Variants in SLC27A2 observed in about 807,000 individuals in gnomAD.
SLC27A2 encodes solute carrier family 27 member 2.
SLC27A2 carries 54 observed loss-of-function variants against 60.0 expected under a neutral mutation model. The ratio of observed to expected loss-of-function variants is 0.90; its 90% CI spans 0.72 to 1.13. The LOEUF (loss-of-function observed/expected upper bound fraction) is 1.13, where lower values mean the gene tolerates loss of function less well. Among genes scored for constraint, SLC27A2 ranks in the 50% most tolerant of loss-of-function variants. The pLI is 0.00. For synonymous variants in SLC27A2, 297 were observed against 297.6 expected (o/e 1.00, Z 0.02); for missense variants, 739 against 777.6 (o/e 0.95, Z 0.59).
At chr15:50,228,823 G>A (rs1044652548) in intron 7 of SLC27A2, 122 bp from the exon 8 acceptor site, 15 of 696,786 alleles carry the variant, frequency 2.2e-5, no homozygotes, top group Admixed American at 9.2e-5. Flanking sequence ...AGTTTGAGGG[G>A]CCAAGATGAG....
chr15:50,196,079 T>A (rs28744677), intron 1 of SLC27A2, among the ~76,000 whole-genome samples: 1,957 of 5,914 alleles, frequency 0.33, 434 homozygotes, highest in South Asian at 0.49. Context: ...AAAAAAAAAA[T>A]ATATATATAT....
chr15:50,194,526 T>C (rs1040329815), intron 1 of SLC27A2, among the ~76,000 whole-genome samples: 11 of 152,156 alleles, frequency 7.2e-5, no homozygotes, highest in African/African-American at 2.7e-4. Flanking sequence ...GAGTGGATTC[T>C]ATCACAAGGA....
intron 4 of SLC27A2, among the ~76,000 whole-genome samples, chr15:50,218,826 G>A (rs1159351942): frequency 2.0e-5 from 3 of 152,120 alleles, no homozygotes; most frequent in African/African-American, 7.2e-5. Flanking sequence ...GAGAGACAAA[G>A]GGACCCCCCA....
At chr15:50,216,819 T>G (rs1595689226) in intron 4 of SLC27A2, among the ~76,000 whole-genome samples, 1 of 132,168 alleles carries the variant, frequency 7.6e-6, no homozygotes, top group East Asian at 2.0e-4. Flanking sequence ...ATATATATTT[T>G]ATGGATATAT....
chr15:50,185,288 C>T (rs1164256636), intron 1 of SLC27A2, among the ~76,000 whole-genome samples: 1 of 152,152 alleles, frequency 6.6e-6, no homozygotes, highest in African/African-American at 2.4e-5. Flanking sequence ...CAAACGTGAA[C>T]CAGACTTTAC....
intron 4 of SLC27A2, among the ~76,000 whole-genome samples, chr15:50,207,057 A>G (rs7162180): frequency 0.37 from 56,593 of 151,764 alleles, 10,928 homozygotes; most frequent in East Asian, 0.54. Context: ...TCCATATGGG[A>G]CCCTTCTGCT....
intron 1 of SLC27A2, among the ~76,000 whole-genome samples, chr15:50,195,910 C>T (rs2045011595): frequency 2.0e-5 from 3 of 149,814 alleles, no homozygotes. Context: ...AAAAAATTAA[C>T]TGGGCATGGT....
intron 4 of SLC27A2, among the ~76,000 whole-genome samples, chr15:50,209,102 C>T (rs2045135030): frequency 6.6e-6 from 1 of 152,046 alleles, no homozygotes; most frequent in African/African-American, 2.4e-5. Flanking sequence ...AAAAGAGTTC[C>T]AGGGGCCACA....
chr15:50,196,062 A>AAAAAATAAAAAAAAAAAAAAAAAAT (rs1289646495), intron 1 of SLC27A2, among the ~76,000 whole-genome samples: 1 of 18,076 alleles, frequency 5.5e-5, no homozygotes, highest in Non-Finnish European at 1.1e-4. Context: ...TCAAAAAAAA[A>AAAAAATAAAAAAAAAAAAAAAAAAT]AAAAAAAAAA....
chr15:50,228,486 T>C (rs1019530802), intron 7 of SLC27A2, among the ~76,000 whole-genome samples: 5 of 146,572 alleles, frequency 3.4e-5, no homozygotes, highest in African/African-American at 1.0e-4. Context: ...TCCCTGTAAC[T>C]AAAGTGTGAT....
rs1017168540 is a variant in SLC27A2 at position 50,182,215 on chromosome 15, G to C, written c.-213G>C. ...CCGGCCAGTCCTGCCCGGAACCCCC[G>C]GCAACGCGCATACGACTACACCTGC... On this transcript the variant is annotated 5_prime_UTR_variant, in exon 1 of 10. Coordinates refer to ENST00000267842, the MANE Select transcript of SLC27A2 (RefSeq NM_003645.4). 2 of 682,942 alleles carry C rather than the reference G, an allele frequency of 2.9e-6. No individual in the cohort carries two copies. The highest frequency in any genetic ancestry group is 3.9e-5 in the East Asian group (1 of 25,360). The allele number at this position is 682,942 out of a possible 1,614,324, so 42.3% of individuals were successfully genotyped here. A position where few individuals can be genotyped will look rare whatever the true frequency, so the allele number is the denominator to read the frequency against.
At chr15:50,202,707 G>A (rs2045075001) in intron 3 of SLC27A2, 62 bp downstream of exon 3, 2 of 1,571,394 alleles carry the variant, frequency 1.3e-6, no homozygotes, top group East Asian at 4.5e-5. Context: ...AGAAGGAACA[G>A]TAATACAAAA....
At chr15:50,230,287 A>C (rs949569843) in intron 8 of SLC27A2, among the ~76,000 whole-genome samples, 1 of 151,734 alleles carries the variant, frequency 6.6e-6, no homozygotes, top group African/African-American at 2.4e-5. Flanking sequence ...TCACACCTGT[A>C]ATCCCAGCAC....
chr15:50,220,472 C>T (rs16963420), intron 4 of SLC27A2, among the ~76,000 whole-genome samples: 22,895 of 152,114 alleles, frequency 0.15, 1,783 homozygotes, highest in Middle Eastern at 0.18. Context: ...AGGAAATAAA[C>T]GAAGTGGGTA....
At chr15:50,183,909 C>A (rs1397188270) in intron 1 of SLC27A2, among the ~76,000 whole-genome samples, 1 of 150,576 alleles carries the variant, frequency 6.6e-6, no homozygotes, top group Non-Finnish European at 1.5e-5. Flanking sequence ...CCACCACCAC[C>A]ACCACCATTA....
chr15:50,228,376 CAAAAA>C (rs71124333), intron 7 of SLC27A2, among the ~76,000 whole-genome samples: 5 of 77,272 alleles, frequency 6.5e-5, no homozygotes, highest in African/African-American at 2.2e-4. Context: ...GACTCTGCCT[CAAAAA>C]AAAAAAAAAA....
At chr15:50,193,971 C>A (rs1037115572) in intron 1 of SLC27A2, among the ~76,000 whole-genome samples, 7 of 152,016 alleles carry the variant, frequency 4.6e-5, no homozygotes, top group African/African-American at 1.7e-4. Context: ...TCAGCCTGGG[C>A]AACGTAGCGG....
At chr15:50,235,873 T>G (rs370571397) in intron 9 of SLC27A2, 47 bp from the exon 10 acceptor site, 20 of 1,520,608 alleles carry the variant, frequency 1.3e-5, no homozygotes, top group Non-Finnish European at 1.5e-5. Context: ...TGCATCCTAA[T>G]CTATTGCAAA....
At chr15:50,189,845 C>T (rs2044959454) in intron 1 of SLC27A2, among the ~76,000 whole-genome samples, 1 of 152,114 alleles carries the variant, frequency 6.6e-6, no homozygotes, top group Admixed American at 6.5e-5. Flanking sequence ...TATGTAAGGC[C>T]TTATGTGACC....
Sources: allele counts gnomAD v4.1 joint callset (sites outside exome capture counted in the v4.1 genomes callset), GRCh38; gene constraint gnomAD v4.1.1; transcripts MANE v1.5; gene names NCBI Gene and HGNC (gene_info 2026-07-23, HGNC 2026-07-21).